The following HNRNPH1 variants were observed in gnomAD, a reference collection of about 807,000 sequenced individuals.
HNRNPH1 encodes the protein heterogeneous nuclear ribonucleoprotein H1.
A neutral mutation model predicts 58.6 loss-of-function variants in HNRNPH1; 4 were observed. The ratio of observed to expected loss-of-function variants is 0.07; its 90% CI spans 0.03 to 0.16. The LOEUF (loss-of-function observed/expected upper bound fraction) is 0.16. Among genes scored for constraint, HNRNPH1 ranks in the 10% least tolerant of loss-of-function variants. The pLI is 1.00. For synonymous variants in HNRNPH1, 192 were observed against 189.2 expected, an observed-to-expected ratio of 1.01 and a Z score of -0.12; for missense variants, 271 against 564.2, an observed-to-expected ratio of 0.48 and a Z score of 5.26.
chr5:179,622,773 A>G (rs946368624), intron 1 of HNRNPH1: 1 of 152,176 alleles, frequency 6.6e-6, no homozygotes, highest in Non-Finnish European at 1.5e-5. Flanking sequence ...AAAGAAAACA[A>G]AGTCTGCCAA....
chr5:179,615,746 C>A, intron 11 of HNRNPH1, 151 bp from the exon 13 acceptor site: 1 of 541,096 alleles, frequency 1.8e-6, no homozygotes, highest in Non-Finnish European at 3.3e-6. Context: ...CAAATTCTCC[C>A]TCTGTCTAAA....
upstream of HNRNPH1, among the ~76,000 whole-genome samples, chr5:179,625,042 C>A (rs138747602): frequency 1.8e-4 from 27 of 152,172 alleles, no homozygotes; most frequent in Admixed American, 5.9e-4. Flanking sequence ...GCAGGGGAGC[C>A]GTAAACCCTG....
intron 2 of HNRNPH1, among the ~76,000 whole-genome samples, chr5:179,630,968 A>G (rs143061220): frequency 1.6e-3 from 242 of 152,230 alleles, no homozygotes; most frequent in Non-Finnish European, 2.5e-3. Context: ...ATCAAAAAAC[A>G]TACATTTCAT....
chr5:179,623,370 C>G (rs796730700), exon 1 of HNRNPH1: 12 of 345,158 alleles, frequency 3.5e-5, no homozygotes, highest in South Asian at 1.2e-4. Flanking sequence ...CGTGGGGGCC[C>G]GGGCCGAGAG....
exon 13 of HNRNPH1, chr5:179,614,483 C>CT (rs1385050479): frequency 6.2e-6 from 1 of 160,992 alleles, no homozygotes; most frequent in African/African-American, 2.4e-5. Context: ...AAAAGCATGT[C>CT]TTTCAACATG....
At chr5:179,620,902 C>G in exon 3 of HNRNPH1, 1 of 1,614,058 alleles carries the variant, frequency 6.2e-7, no homozygotes. Context: ...CTGAGAAGAA[C>G]TGAACAATTT....
intron 7 of HNRNPH1, 71 bp from the exon 9 acceptor site, chr5:179,617,720 C>G (rs1352834027): frequency 1.0e-5 from 16 of 1,603,210 alleles, no homozygotes; most frequent in Non-Finnish European, 1.4e-5. Context: ...AAATTTCTAA[C>G]ATAGTGCTCA....
upstream of HNRNPH1, among the ~76,000 whole-genome samples, chr5:179,628,004 G>A (rs1774532283): frequency 6.7e-6 from 1 of 149,610 alleles, no homozygotes; most frequent in Admixed American, 6.8e-5. Context: ...TGTATTTTTA[G>A]TAGAGATGGG....
exon 11 of HNRNPH1, chr5:179,616,138 T>C (rs1391338621): frequency 1.2e-6 from 2 of 1,613,766 alleles, no homozygotes; most frequent in Admixed American, 1.7e-5. Context: ...TATCCACTCA[T>C]GCTGCTCTGG....
intron 10 of HNRNPH1, 166 bp from the exon 12 acceptor site, chr5:179,616,384 A>T (rs1769676399): frequency 4.8e-6 from 3 of 624,054 alleles, no homozygotes; most frequent in Middle Eastern, 3.6e-4. Context: ...CCTTCTATCC[A>T]TCATTTGAGC....
chr5:179,618,510 G>T, intron 4 of HNRNPH1, 187 bp from the exon 6 acceptor site: 39 of 392,576 alleles, frequency 9.9e-5, no homozygotes, highest in East Asian at 2.4e-4. Flanking sequence ...GTAAGACAAT[G>T]TAAACTTTAT....
At chr5:179,617,757 G>C in intron 7 of HNRNPH1, 42 bp downstream of exon 8, 2 of 1,609,618 alleles carry the variant, frequency 1.2e-6, no homozygotes, top group Non-Finnish European at 1.7e-6. Flanking sequence ...CTGACTTACT[G>C]CCATACTGAA....
chr5:179,621,974 A>G (rs1772598348), intron 1 of HNRNPH1: 1 of 456,214 alleles, frequency 2.2e-6, no homozygotes, highest in African/African-American at 2.0e-5. Flanking sequence ...TCCGTTACCA[A>G]CGCTAAATTC....
chr5:179,621,404 A>T lies in HNRNPH1; in HGVS notation c.98-7T>A. The T allele has an allele frequency of 1.9e-6, 3 of 1,612,238 alleles. No homozygotes were observed. Among genetic ancestry groups the T allele is most frequent in the Non-Finnish European group, 2.5e-6 (3 of 1,179,450 alleles). ...CCATTTTGAATTTTGCAGTCTGGAA[A>T]GAAAACAACCGTTAATACAGAATTT... On this transcript the variant is annotated splice_polypyrimidine_tract_variant and splice_region_variant and intron_variant, in intron 1 of 12. Transcript: ENST00000356731.
At chr5:179,628,194 C>G (rs1215783820), upstream of HNRNPH1, among the ~76,000 whole-genome samples, 1 of 152,066 alleles carries the variant, frequency 6.6e-6, no homozygotes, top group African/African-American at 2.4e-5. Context: ...GGATATGTTC[C>G]TTTGAGGTTT....
upstream of HNRNPH1, among the ~76,000 whole-genome samples, chr5:179,626,009 G>A (rs1291970481): frequency 6.6e-6 from 1 of 151,864 alleles, no homozygotes; most frequent in Non-Finnish European, 1.5e-5. Flanking sequence ...GGCTGGTCTT[G>A]AATTCTTGGG....
chr5:179,615,868 G>A (rs781012153), intron 11 of HNRNPH1: 9 of 527,100 alleles, frequency 1.7e-5, no homozygotes, highest in African/African-American at 3.8e-5. Flanking sequence ...GCAATGACTA[G>A]TTCTTAATTC....
chr5:179,617,672 G>T, intron 7 of HNRNPH1, 23 bp from the exon 9 acceptor site: 1 of 1,608,604 alleles, frequency 6.2e-7, no homozygotes, highest in Non-Finnish European at 8.5e-7. Flanking sequence ...GCATTTCAAA[G>T]AATTCAACCA....
intron 2 of HNRNPH1, among the ~76,000 whole-genome samples, chr5:179,632,992 G>A (rs1160471461): frequency 6.6e-6 from 1 of 150,970 alleles, no homozygotes; most frequent in Non-Finnish European, 1.5e-5. Context: ...CCACTAGCTG[G>A]GAATACAGGC....
Sources: allele counts gnomAD v4.1 joint callset (sites outside exome capture counted in the v4.1 genomes callset), GRCh38; gene constraint gnomAD v4.1.1; transcripts MANE v1.5; gene names NCBI Gene and HGNC (gene_info 2026-07-23, HGNC 2026-07-21).